FAHD2B: variants seen among roughly 807,000 people sequenced by gnomAD.
FAHD2B encodes the protein oxaloacetate tautomerase FAHD2B, mitochondrial.
In FAHD2B, 26 loss-of-function variants were observed where a neutral mutation model predicts 33.7. That is an observed-to-expected ratio of 0.77 (90% CI 0.57 to 1.07). The LOEUF (loss-of-function observed/expected upper bound fraction) is 1.07. FAHD2B is among the 50% of genes least tolerant of loss of function. The probability of loss-of-function intolerance (pLI) is 0.00; values close to 1 mark genes in which losing one functional copy is unlikely to be tolerated. For missense variants in FAHD2B, 272 were observed against 388.1 expected, an observed-to-expected ratio of 0.70 and a Z score of 2.51; for synonymous variants, 108 against 150.9, an observed-to-expected ratio of 0.72 and a Z score of 2.08.
chr2:97,079,323 C>G (rs2031572943), downstream of FAHD2B, among the ~76,000 whole-genome samples: 1 of 152,066 alleles, frequency 6.6e-6, no homozygotes, highest in African/African-American at 2.4e-5. Flanking sequence ...TTATTTATTT[C>G]TCTAGGTCTT....
At chr2:97,082,180 G>A (rs368649823), downstream of FAHD2B, 27 of 1,530,034 alleles carry the variant, frequency 1.8e-5, no homozygotes, top group East Asian at 1.2e-4. Flanking sequence ...CACTCACCCC[G>A]GCCTGTCCCC....
intron 6 of FAHD2B, 57 bp from the exon 7 acceptor site, chr2:97,084,334 T>C (rs2031815623): frequency 4.4e-6 from 7 of 1,602,808 alleles, no homozygotes; most frequent in Middle Eastern, 2.2e-4. Context: ...AACCCCCCAG[T>C]GTTTTACAAA....
At chr2:97,081,145 G>C (rs1367105325), downstream of FAHD2B, 1 of 1,474,592 alleles carries the variant, frequency 6.8e-7, no homozygotes, top group African/African-American at 1.4e-5. Context: ...GCCGCCCCAG[G>C]GGCCCTGGGA....
At chr2:97,080,681 T>C (rs142159019), downstream of FAHD2B, among the ~76,000 whole-genome samples, 52 of 152,230 alleles carry the variant, frequency 3.4e-4, no homozygotes, top group East Asian at 9.5e-3. Flanking sequence ...CTTTGGGCAG[T>C]ATGGCCATTT....
chr2:97,079,604 C>T (rs1344734639), downstream of FAHD2B, among the ~76,000 whole-genome samples: 1 of 151,384 alleles, frequency 6.6e-6, no homozygotes, highest in Non-Finnish European at 1.5e-5. Flanking sequence ...GTCCTTTGCC[C>T]ACTTTTTAGT....
In FAHD2B at chr2:97,085,586, C is replaced by G. The variant is rs71429305; in HGVS notation, c.685+113G>C. On this transcript the variant is annotated intron_variant, in intron 6 of 8. Coordinates refer to ENST00000414820, the MANE Select transcript of FAHD2B (RefSeq NM_001320848.2). ...ACTTTCCCTGTATGGAGTCAGCAGT[C>G]AAAGGGCAGCCAGGGAGGGCAGGTG... is the stretch of plus-strand genomic sequence containing the variant. The G allele has an allele frequency of 3.9e-5, 58 of 1,501,012 alleles. No homozygotes were observed. The East Asian group carries it at 4.2e-4, about 11-fold the overall frequency. The allele number at this position is 1,501,012 out of a possible 1,614,324, so 93.0% of individuals were successfully genotyped here. A position where few individuals can be genotyped will look rare whatever the true frequency, so the allele number is the denominator to read the frequency against.
chr2:97,082,525 C>T, downstream of FAHD2B: 1 of 1,604,642 alleles, frequency 6.2e-7, no homozygotes, highest in Non-Finnish European at 8.5e-7. Flanking sequence ...GTGGCTGCTG[C>T]CCCCTGCCAG....
chr2:97,084,423 G>T, intron 6 of FAHD2B, 146 bp from the exon 7 acceptor site: 1 of 892,840 alleles, frequency 1.1e-6, no homozygotes, highest in South Asian at 1.7e-5. Context: ...CACTATGTTA[G>T]AACTTTCTGT....
chr2:97,087,769 T>C (rs1250995880), intron 4 of FAHD2B, among the ~76,000 whole-genome samples: 1 of 152,050 alleles, frequency 6.6e-6, no homozygotes, highest in Non-Finnish European at 1.5e-5. Context: ...ACAGGATCCT[T>C]GGATGAGAAT....
Position 97,084,137 on chromosome 2 carries a change from G to A in FAHD2B, c.794+32C>T, listed in dbSNP as rs58875686. 8.3e-4 allele frequency: 1,334 copies of A among 1,613,162 alleles called. 14 individuals carry two copies. The African/African-American group carries it at 0.016, about 19-fold the overall frequency. On this transcript the variant is annotated intron_variant, in intron 7 of 8. Transcript: ENST00000414820. ...AGCCTCCACATGTGTGGCAGGTGGAGCGGGGCTGGCAGGACAGCCCTTGTC... is the reference window on the plus strand; with the variant it reads ...AGCCTCCACATGTGTGGCAGGTGGAACGGGGCTGGCAGGACAGCCCTTGTC...
chr2:97,088,961 C>G (rs1301065258), intron 4 of FAHD2B, among the ~76,000 whole-genome samples: 1 of 152,014 alleles, frequency 6.6e-6, no homozygotes, highest in Non-Finnish European at 1.5e-5. Flanking sequence ...GGAGAGAAAG[C>G]AAATACAGCA....
chr2:97,082,570 A>G (rs2031687894), downstream of FAHD2B: 3 of 1,584,392 alleles, frequency 1.9e-6, no homozygotes, highest in Non-Finnish European at 8.6e-7. Flanking sequence ...GGTGGGCTGC[A>G]GAGTACAGAC....
At chr2:97,092,264 C>T (rs571910776) in intron 1 of FAHD2B, among the ~76,000 whole-genome samples, 4 of 152,126 alleles carry the variant, frequency 2.6e-5, no homozygotes, top group Non-Finnish European at 5.9e-5. Flanking sequence ...TTTTTAAATG[C>T]TATTTTGGTC....
chr2:97,081,568 G>A (rs2031645658), downstream of FAHD2B: 25 of 1,523,906 alleles, frequency 1.6e-5, no homozygotes, highest in South Asian at 2.6e-4. Context: ...GCCTCCTCCA[G>A]CCTCCCACCC....
chr2:97,093,464 T>C (rs1036496979), intron 1 of FAHD2B, among the ~76,000 whole-genome samples: 57 of 140,242 alleles, frequency 4.1e-4, no homozygotes, highest in Admixed American at 4.7e-4. Flanking sequence ...CAATGTCTGA[T>C]TTAATTCTTT....
chr2:97,084,292 T>C lies in FAHD2B; in HGVS notation c.686-15A>G. ...GTTGTGTGGATCTGAAATGCAAAGA[T>C]GGAACCTTGGAGTTATCCCTTTTCC... On this transcript the variant is annotated splice_polypyrimidine_tract_variant and intron_variant, in intron 6 of 8. Transcript: ENST00000414820. 1 of 1,612,710 alleles carries C rather than the reference T, an allele frequency of 6.2e-7. No homozygotes were observed. The highest frequency in any genetic ancestry group is 8.5e-7 in the Non-Finnish European group (1 of 1,179,746).
downstream of FAHD2B, among the ~76,000 whole-genome samples, chr2:97,080,603 T>A (rs1275463039): frequency 1.3e-5 from 2 of 151,854 alleles, no homozygotes; most frequent in Admixed American, 6.6e-5. Context: ...TTTAAAATAT[T>A]TTTTTTTCTA....
chr2:97,088,534 C>T (rs546502056), intron 4 of FAHD2B, among the ~76,000 whole-genome samples: 3 of 152,292 alleles, frequency 2.0e-5, no homozygotes, highest in African/African-American at 7.2e-5. Flanking sequence ...TGAGGCTTCT[C>T]TAGCCACGTG....
rs368869556 is a variant in FAHD2B, at chr2:97,086,062, T to C, written c.522+77A>G. 1,271 of 1,552,336 alleles carry C rather than the reference T, an allele frequency of 8.2e-4. 10 individuals carry two copies. The East Asian group carries it at 0.011, about 14-fold the overall frequency. ...ACAGCTGGTGCCGTGTGTCGGTGAG[T>C]GAGGTCAGAACTAGGAGAGGCAGGA... is the stretch of plus-strand genomic sequence containing the variant. On this transcript the variant is annotated intron_variant, in intron 5 of 8. Coordinates refer to ENST00000414820, the MANE Select transcript of FAHD2B (RefSeq NM_001320848.2).
Sources: allele counts gnomAD v4.1 joint callset (sites outside exome capture counted in the v4.1 genomes callset), GRCh38; gene constraint gnomAD v4.1.1; transcripts MANE v1.5; gene names NCBI Gene and HGNC (gene_info 2026-07-23, HGNC 2026-07-21).